The following AREL1 variants were observed in gnomAD, a reference collection of about 807,000 sequenced individuals.
AREL1 encodes apoptosis-resistant E3 ubiquitin protein ligase 1.
AREL1 carries 62 observed loss-of-function variants against 99.0 expected under a neutral mutation model. The observed-to-expected ratio is 0.63, with a 90% CI of 0.51 to 0.77. The LOEUF (loss-of-function observed/expected upper bound fraction) is 0.77. Among genes scored for constraint, AREL1 ranks in the 30% least tolerant of loss-of-function variants. The pLI, the probability that AREL1 is intolerant of heterozygous loss-of-function variation, is 0.00. For synonymous variants in AREL1, 380 were observed against 376.5 expected (o/e 1.01, Z -0.11); for missense variants, 879 against 1,027.6 (o/e 0.86, Z 1.98).
chr14:74,696,104 T>C (rs1594775978), intron 1 of AREL1, among the ~76,000 whole-genome samples: 2 of 152,252 alleles, frequency 1.3e-5, no homozygotes, highest in African/African-American at 4.8e-5. Context: ...AGCTGAGTAG[T>C]TGCAGCAGAG....
chr14:74,700,189 C>T (rs2090057616), intron 1 of AREL1, among the ~76,000 whole-genome samples: 1 of 152,196 alleles, frequency 6.6e-6, no homozygotes, highest in South Asian at 2.1e-4. Context: ...TTACTATGTG[C>T]CAGGCATTGT....
chr14:74,686,017 A>C (rs2089739992), intron 2 of AREL1, among the ~76,000 whole-genome samples: 1 of 152,244 alleles, frequency 6.6e-6, no homozygotes, highest in South Asian at 2.1e-4. Context: ...TAACACATGC[A>C]AAGAGGGTAA....
rs570125037 is a variant in AREL1 at position 74,661,811 on chromosome 14, G to A, written c.*1909C>T. On this transcript the variant is annotated 3_prime_UTR_variant, in exon 20 of 20. Coordinates refer to ENST00000356357, the MANE Select transcript of AREL1 (RefSeq NM_001039479.2). ...ATGCTCTGAAAAAGTGCTATGACTAGAGCTTAAAATGACAGGTCTAGCCAA... is the reference window on the plus strand; with the variant it reads ...ATGCTCTGAAAAAGTGCTATGACTAAAGCTTAAAATGACAGGTCTAGCCAA... The A allele has an allele frequency of 6.5e-6, 1 of 152,806 alleles. No homozygotes were observed. Among genetic ancestry groups the A allele is most frequent in the South Asian group, 2.1e-4 (1 of 4,852 alleles). 9.5% of individuals were successfully genotyped at this position (152,806 alleles called of 1,614,324 possible).
At chr14:74,688,261 G>A (rs577223352) in intron 2 of AREL1, among the ~76,000 whole-genome samples, 3 of 152,036 alleles carry the variant, frequency 2.0e-5, no homozygotes, top group East Asian at 1.9e-4. Flanking sequence ...TCATGACCTC[G>A]TGATCCACCC....
intron 8 of AREL1, among the ~76,000 whole-genome samples, chr14:74,674,918 T>C (rs779281659): frequency 3.9e-5 from 6 of 152,036 alleles, no homozygotes; most frequent in Non-Finnish European, 7.4e-5. Context: ...GTTGGTGGTA[T>C]AGGGGAAGGT....
Position 74,676,275 on chromosome 14 carries a change from G to T in AREL1, c.698C>A (p.Ser233Ter). 1 of 1,614,128 alleles carries T rather than the reference G, an allele frequency of 6.2e-7. No individual in the cohort carries two copies. Among genetic ancestry groups the T allele is most frequent in the Non-Finnish European group, 8.5e-7 (1 of 1,180,038 alleles). The change falls in exon 7 of 20, where the codon TCA (serine) becomes TAA (stop). Residue 233 changes from serine (S) to a stop codon, truncating the protein, a stop_gained. Transcript: ENST00000356357. LOFTEE classifies it high-confidence loss of function. ...EESTGVSFEK[S>*]VTSNRQTFQV... ...GAAAGTCTGCCTGTTGGATGTTACT[G>T]ATTTCTCAAATGAGACACCAGTACT...
chr14:74,694,243 G>C (rs2089937307), intron 1 of AREL1, among the ~76,000 whole-genome samples: 1 of 152,008 alleles, frequency 6.6e-6, no homozygotes, highest in Non-Finnish European at 1.5e-5. Context: ...CCAAAACCTG[G>C]GTCAACTGGC....
At chr14:74,678,292 T>C (rs1273674105) in intron 5 of AREL1, 1 of 444,210 alleles carries the variant, frequency 2.3e-6, no homozygotes, top group Non-Finnish European at 4.5e-6. Context: ...AGTCCAGGAG[T>C]TCGAGACCAC....
intron 14 of AREL1, 24 bp from the exon 15 acceptor site, chr14:74,669,798 A>G (rs754605875): frequency 6.2e-7 from 1 of 1,613,766 alleles, no homozygotes; most frequent in African/African-American, 1.3e-5. Flanking sequence ...AAGACACAGA[A>G]CAGAACATGA....
In AREL1 at chr14:74,676,714, A is replaced by C. The variant is rs780068047; in HGVS notation, c.520T>G (p.Phe174Val). The C allele has an allele frequency of 2.5e-6, 4 of 1,612,140 alleles. No individual in the cohort carries two copies. The highest frequency in any genetic ancestry group is 2.5e-6 in the Non-Finnish European group (3 of 1,179,082). The change falls in exon 6 of 20, where the codon TTT (phenylalanine) becomes GTT (valine). Residue 174 changes from phenylalanine (F) to valine (V), a missense_variant. By Grantham distance (50) the Phe-to-Val change is conservative. Coordinates refer to ENST00000356357, the MANE Select transcript of AREL1 (RefSeq NM_001039479.2). The part of the protein sequence containing the change: ...VPSKTKIVCH[F>V]STLVLTCGQP... ...CCACAGGTCAATACAAGAGTAGAAA[A>C]GTGGCACACAATTTTGGTCTTAGAA...
In AREL1 at chr14:74,671,494, G is replaced by C; in HGVS notation, c.1423-11C>G. 1 of 1,576,494 alleles carries C rather than the reference G, an allele frequency of 6.3e-7. No homozygotes were observed. ...AGTGGCTTTCAGAGACTGAAAAGAA[G>C]TGAAAGGAAGGGAATTGTCAGAACA... On this transcript the variant is annotated splice_polypyrimidine_tract_variant and intron_variant, in intron 11 of 19. Transcript: ENST00000356357.
In AREL1 at chr14:74,684,469, C is replaced by T; in HGVS notation, c.228G>A (p.Met76Ile). ...WKDPYEVGHS[M>I]AFRVHLFYKN... is the part of the protein sequence containing the mutation. ...ATTCCCTTACATGCACTCGGAAGGC[C>T]ATGCTGTGGCCCACCTCATAGGGGT... is the stretch of plus-strand genomic sequence containing the variant. Residue 76 changes from methionine (M) to isoleucine (I), a missense_variant, in exon 4 of 20, where the codon ATG becomes ATA. Transcript: ENST00000356357. 1.2e-6 allele frequency: 2 copies of T among 1,614,064 alleles called. No homozygotes were observed.
rs774000856 is a variant in AREL1 at position 74,688,648 on chromosome 14, C to T, written c.-45-2988G>A. ...GAGTTAGTTCTATCAATTCATCATT[C>T]GCTGACATCAACTTTACAAAATGTC... On this transcript the variant is annotated intron_variant, in intron 2 of 19. Transcript: ENST00000356357. 7.2e-5 allele frequency among the ~76,000 whole-genome samples: 11 copies of T among 152,202 alleles called. No individual in the cohort carries two copies. The East Asian group carries it at 1.4e-3, about 19-fold the overall frequency.
chr14:74,673,229 AAAAC>A lies in AREL1; in HGVS notation c.1159-15_1159-12del, dbSNP rs755126097. On this transcript the variant is annotated splice_polypyrimidine_tract_variant and intron_variant, in intron 9 of 19. Coordinates refer to ENST00000356357, the MANE Select transcript of AREL1 (RefSeq NM_001039479.2). ...ACCAAGGTATGAAAACTGGTAAAGA[AAAAC>A]AAAGAAATTAATCTATAAAACCCTC... 8 of 1,613,086 alleles carry A rather than the reference AAAAC, an allele frequency of 5.0e-6. No individual in the cohort carries two copies. In the African/African-American group the frequency reaches 1.1e-4, roughly 22 times the overall value.
At position 74,671,440 on chromosome 14, in the gene AREL1, T is replaced by C. The variant is rs984762883; in HGVS notation, c.1466A>G (p.Lys489Arg). Residue 489 changes from lysine to arginine, a missense_variant, in exon 12 of 20, where the codon AAG (lysine) becomes AGG (arginine). Transcript: ENST00000356357. ...ATCCTGGAAAACAACCTCAAAGTTC[T>C]TGCTCCAATCTGAGATGGAGAAATT... ...TRNFSISDWS[K>R]NFEVVFQDEE... 7.5e-6 allele frequency: 12 copies of C among 1,593,118 alleles called. No homozygotes were observed. The African/African-American group carries it at 1.6e-4, about 22-fold the overall frequency.
chr14:74,708,858 C>T (rs1414911066), intron 1 of AREL1, among the ~76,000 whole-genome samples: 1 of 152,168 alleles, frequency 6.6e-6, no homozygotes, highest in East Asian at 1.9e-4. Context: ...AGTGAATACC[C>T]ATCTTTCTCT....
rs943808116 is a variant in AREL1, at chr14:74,669,642, T to C, written c.1914+7A>G. On this transcript the variant is annotated splice_region_variant and intron_variant, in intron 15 of 19. Coordinates refer to ENST00000356357, the MANE Select transcript of AREL1 (RefSeq NM_001039479.2). Reference sequence around the variant, plus strand: ...ATAGGACCCAGAGGCTTTGTCCTCTTTCTCACCTTATCCAATTGACCTGAT... The same window carrying C: ...ATAGGACCCAGAGGCTTTGTCCTCTCTCTCACCTTATCCAATTGACCTGAT... 7 of 1,613,600 alleles carry C rather than the reference T, an allele frequency of 4.3e-6. 1 individual carries two copies. The African/African-American group carries it at 8.0e-5, about 18-fold the overall frequency.
At chr14:74,698,436 T>C (rs2090015439) in intron 1 of AREL1, among the ~76,000 whole-genome samples, 1 of 152,332 alleles carries the variant, frequency 6.6e-6, no homozygotes, top group East Asian at 1.9e-4. Context: ...ATTCACTCGA[T>C]AATTCACAGA....
In AREL1 at chr14:74,671,136, T is replaced by C. The variant is rs575788821; in HGVS notation, c.1499-265A>G. ...CAGGAAATGGACATTTCTCTCAAGG[T>C]AACCACGGTTCAAACACTTAGAACT... On this transcript the variant is annotated intron_variant, in intron 12 of 19. Transcript: ENST00000356357. Among the ~76,000 whole-genome samples the C allele has an allele frequency of 3.1e-4, 47 of 152,216 alleles. No individual in the cohort carries two copies. The South Asian group carries it at 7.7e-3, about 25-fold the overall frequency.
Sources: gnomAD v4.1 joint callset for allele counts (sites outside exome capture counted in the v4.1 genomes callset) on GRCh38, gnomAD v4.1.1 for gene constraint, MANE v1.5 for transcripts, NCBI Gene and HGNC (gene_info 2026-07-23, HGNC 2026-07-21) for gene names.